SLC35F3: variants seen among roughly 807,000 people sequenced by gnomAD.
SLC35F3 encodes solute carrier family 35 member F3.
A neutral mutation model predicts 49.9 loss-of-function variants in SLC35F3; 25 were observed. The ratio of observed to expected loss-of-function variants is 0.50; its 90% CI spans 0.37 to 0.70. SLC35F3 has a LOEUF of 0.70. Among genes scored for constraint, SLC35F3 ranks in the 30% least tolerant of loss-of-function variants. SLC35F3 has a pLI of 0.00. For synonymous variants in SLC35F3, 275 were observed against 265.4 expected, an observed-to-expected ratio of 1.04 and a Z score of -0.35; for missense variants, 525 against 639.8, an observed-to-expected ratio of 0.82 and a Z score of 1.94.
chr1:233,980,403 C>G (rs1415286777), intron 2 of SLC35F3, among the ~76,000 whole-genome samples: 2 of 152,192 alleles, frequency 1.3e-5, no homozygotes, highest in African/African-American at 2.4e-5. Flanking sequence ...CCACCTGGGA[C>G]TTGGCCTTGG....
intron 3 of SLC35F3, among the ~76,000 whole-genome samples, chr1:234,250,479 C>A (rs1189340726): frequency 1.3e-5 from 2 of 151,682 alleles, no homozygotes; most frequent in African/African-American, 4.8e-5. Context: ...ACGGTGAAAC[C>A]CCGTCTCTAC....
chr1:234,040,396 A>G (rs1317239652), intron 2 of SLC35F3, among the ~76,000 whole-genome samples: 2 of 152,200 alleles, frequency 1.3e-5, no homozygotes, highest in Non-Finnish European at 2.9e-5. Context: ...GAGAGGGCAA[A>G]TAGGGATAGA....
intron 2 of SLC35F3, among the ~76,000 whole-genome samples, chr1:234,092,672 A>G (rs1195861988): frequency 1.3e-5 from 2 of 152,200 alleles, no homozygotes; most frequent in East Asian, 3.9e-4. Flanking sequence ...ATTTGAGACC[A>G]GCTTGGACAA....
intron 2 of SLC35F3, among the ~76,000 whole-genome samples, chr1:234,069,755 C>T (rs1461752458): frequency 6.6e-6 from 1 of 152,168 alleles, no homozygotes; most frequent in Non-Finnish European, 1.5e-5. Flanking sequence ...ACTCTTAACA[C>T]AGTCTTGCAT....
intron 2 of SLC35F3, among the ~76,000 whole-genome samples, chr1:233,969,069 G>GT (rs991224388): frequency 7.5e-4 from 110 of 147,480 alleles, no homozygotes; most frequent in Non-Finnish European, 1.4e-3. Context: ...TTGGGGGGGG[G>GT]GACACAATTC....
intron 2 of SLC35F3, among the ~76,000 whole-genome samples, chr1:234,155,016 C>G (rs1666130270): frequency 6.6e-6 from 1 of 152,178 alleles, no homozygotes; most frequent in Non-Finnish European, 1.5e-5. Flanking sequence ...TATGCACATC[C>G]TCCATATACC....
At chr1:234,241,275 G>A (rs1431943042) in intron 3 of SLC35F3, among the ~76,000 whole-genome samples, 3 of 152,064 alleles carry the variant, frequency 2.0e-5, no homozygotes, top group Non-Finnish European at 4.4e-5. Context: ...AGTGTTGTAC[G>A]CACAGGAGGC....
intron 2 of SLC35F3, among the ~76,000 whole-genome samples, chr1:234,122,523 A>G (rs572534160): frequency 5.5e-4 from 83 of 152,284 alleles, no homozygotes; most frequent in African/African-American, 2.0e-3. Context: ...ACATAGGTAT[A>G]CATGTACCAT....
At chr1:234,051,586 C>G (rs989368926) in intron 2 of SLC35F3, among the ~76,000 whole-genome samples, 1 of 152,144 alleles carries the variant, frequency 6.6e-6, no homozygotes, top group African/African-American at 2.4e-5. Context: ...CATCTGCAAA[C>G]AGAGACAATT....
At chr1:234,250,710 G>T (rs1048165561) in intron 3 of SLC35F3, among the ~76,000 whole-genome samples, 1 of 148,670 alleles carries the variant, frequency 6.7e-6, no homozygotes, top group African/African-American at 2.5e-5. Flanking sequence ...GGATATACAA[G>T]AAGCATGGTG....
In SLC35F3 at chr1:234,320,011, A is replaced by T; in HGVS notation, c.1148-87A>T. 1.1e-6 allele frequency: 1 copy of T among 883,154 alleles called. No homozygotes were observed. The highest frequency in any genetic ancestry group is 1.9e-6 in the Non-Finnish European group (1 of 524,828). The allele number at this position is 883,154 out of a possible 1,614,324, so 54.7% of individuals were successfully genotyped here. A position where few individuals can be genotyped will look rare whatever the true frequency, so the allele number is the denominator to read the frequency against. On this transcript the variant is annotated intron_variant, in intron 6 of 7. Transcript: ENST00000366618. This position sits in a 1 kb window ranked among gnomAD's most constrained non-coding sequence, Gnocchi z 4.8. ...TAACTCCTATGACTCCAGCCTCATC[A>T]GGAAAACCTGGGTCAGATAGGCCAG...
At chr1:234,002,844 T>G (rs796560895) in intron 2 of SLC35F3, among the ~76,000 whole-genome samples, 4 of 152,362 alleles carry the variant, frequency 2.6e-5, no homozygotes, top group African/African-American at 9.6e-5. Flanking sequence ...CATTTACTTA[T>G]GTCAGTATGG....
At chr1:233,951,469 A>G (rs1354590516) in intron 2 of SLC35F3, among the ~76,000 whole-genome samples, 1 of 151,986 alleles carries the variant, frequency 6.6e-6, no homozygotes, top group Non-Finnish European at 1.5e-5. Context: ...AAAATCCATT[A>G]TACCATATTT....
chr1:233,990,844 A>G (rs1244154331), intron 2 of SLC35F3, among the ~76,000 whole-genome samples: 1 of 152,242 alleles, frequency 6.6e-6, no homozygotes, highest in African/African-American at 2.4e-5. Context: ...ATGCCTAGAA[A>G]ATAGTAACTG....
chr1:234,202,170 A>C (rs949378825), intron 2 of SLC35F3, among the ~76,000 whole-genome samples: 5 of 152,222 alleles, frequency 3.3e-5, no homozygotes, highest in African/African-American at 1.2e-4. Context: ...CAAACACCAC[A>C]TGTTTCACTT....
rs1226354704 is a variant in SLC35F3, at chr1:234,324,283, A to G, written c.*1040A>G. ...AATTCTATCTGTGATAGATCTGTAA[A>G]GAGGGTCAGGGGTTAGAGTTTACTA... On this transcript the variant is annotated 3_prime_UTR_variant, in exon 8 of 8. Transcript: ENST00000366618. The G allele has an allele frequency of 6.6e-6, 1 of 152,232 alleles. No individual in the cohort carries two copies. The highest frequency in any genetic ancestry group is 6.5e-5 in the Admixed American group (1 of 15,280). The allele number at this position is 152,232 out of a possible 1,614,324, so 9.4% of individuals were successfully genotyped here. A position where few individuals can be genotyped will look rare whatever the true frequency, so the allele number is the denominator to read the frequency against.
At chr1:234,304,239 G>A (rs924754426) in intron 3 of SLC35F3, among the ~76,000 whole-genome samples, 1 of 151,812 alleles carries the variant, frequency 6.6e-6, no homozygotes, top group Admixed American at 6.6e-5. Flanking sequence ...TTGGCTCACT[G>A]CAACCTCCAC....
At chr1:234,242,294 G>A (rs762157069) in intron 3 of SLC35F3, among the ~76,000 whole-genome samples, 1 of 152,112 alleles carries the variant, frequency 6.6e-6, no homozygotes, top group Non-Finnish European at 1.5e-5. Flanking sequence ...CCTTCCACCC[G>A]CTTCCCAGCC....
rs919859497 is a variant in SLC35F3 at position 234,311,667 on chromosome 1, G to A, written c.828+2347G>A. On this transcript the variant is annotated intron_variant, in intron 4 of 7. Coordinates refer to ENST00000366618, the MANE Select transcript of SLC35F3 (RefSeq NM_173508.4). ...TCATGCTGGGGAGATTCCTGGCCAC[G>A]TATGGTATGAGAGGGTGAGAAGCCA... Among the ~76,000 whole-genome samples, 6 of 152,244 alleles carry A rather than the reference G, an allele frequency of 3.9e-5. No individual in the cohort carries two copies. The East Asian group carries it at 1.2e-3, about 29-fold the overall frequency.
Sources: allele counts gnomAD v4.1 joint callset (sites outside exome capture counted in the v4.1 genomes callset), GRCh38; gene constraint gnomAD v4.1.1; non-coding constraint Gnocchi (gnomAD v3.1); transcripts MANE v1.5; gene names NCBI Gene and HGNC (gene_info 2026-07-23, HGNC 2026-07-21).